BLTP3B: variants seen among roughly 807,000 people sequenced by gnomAD.
The protein encoded by BLTP3B is bridge-like lipid transfer protein family member 3B, also known as UHRF1 (ICBP90) binding protein 1-like.
chr12:100,101,566 T>C, the BLTP3B span, among the ~76,000 whole-genome samples: 5 of 152,324 alleles, frequency 3.3e-5, no homozygotes, highest in East Asian at 1.9e-4. Context: ...AATCCTGTTG[T>C]AGAAAAATCA....
At chr12:100,137,556 T>C in the BLTP3B span, among the ~76,000 whole-genome samples, 1 of 152,156 alleles carries the variant, frequency 6.6e-6, no homozygotes, top group African/African-American at 2.4e-5. Flanking sequence ...TGGGCTCAAG[T>C]GATCTGCCTG....
chr12:100,109,166 CT>C, the BLTP3B span, among the ~76,000 whole-genome samples: 60 of 45,798 alleles, frequency 1.3e-3, no homozygotes, highest in African/African-American at 5.8e-3. Context: ...TTTCCTCTCT[CT>C]CTCTCTCTCT....
At chr12:100,139,705 A>T in the BLTP3B span, among the ~76,000 whole-genome samples, 7 of 152,252 alleles carry the variant, frequency 4.6e-5, no homozygotes, top group Non-Finnish European at 8.8e-5. Context: ...TTATGTATCC[A>T]CATTCATGCA....
chr12:100,072,753 AT>A, the BLTP3B span: 2 of 1,607,548 alleles, frequency 1.2e-6, no homozygotes, highest in South Asian at 1.1e-5. Context: ...AGATATAGGG[AT>A]TTTTTATTGC....
At chr12:100,082,227 C>T in the BLTP3B span, among the ~76,000 whole-genome samples, 3 of 152,320 alleles carry the variant, frequency 2.0e-5, no homozygotes, top group African/African-American at 7.2e-5. Context: ...AGTGTGTGTT[C>T]ATGTCCTTTG....
chr12:100,080,601 T>C, the BLTP3B span, among the ~76,000 whole-genome samples: 1 of 152,248 alleles, frequency 6.6e-6, no homozygotes, highest in South Asian at 2.1e-4. Flanking sequence ...CCATTTGGAA[T>C]AGCTGTATTT....
chr12:100,080,034 T>C, the BLTP3B span, among the ~76,000 whole-genome samples: 1 of 152,208 alleles, frequency 6.6e-6, no homozygotes, highest in African/African-American at 2.4e-5. Flanking sequence ...TGTATGGAAA[T>C]GCCTGGATGC....
At chr12:100,138,087 T>C in the BLTP3B span, among the ~76,000 whole-genome samples, 1 of 152,208 alleles carries the variant, frequency 6.6e-6, no homozygotes, top group Non-Finnish European at 1.5e-5. Context: ...CATTTGGCAA[T>C]GTCTGGAGAC....
chr12:100,102,042 C>T, the BLTP3B span, among the ~76,000 whole-genome samples: 6 of 152,080 alleles, frequency 3.9e-5, no homozygotes, highest in East Asian at 1.9e-4. Flanking sequence ...TCAGGTGATC[C>T]GCCCACCTCA....
At chr12:100,063,107 G>T in the BLTP3B span, among the ~76,000 whole-genome samples, 4 of 152,174 alleles carry the variant, frequency 2.6e-5, no homozygotes, top group African/African-American at 9.7e-5. Flanking sequence ...TCGGATGGAC[G>T]TAGCAGTGTG....
At chr12:100,046,161 A>C in the BLTP3B span, among the ~76,000 whole-genome samples, 1 of 152,212 alleles carries the variant, frequency 6.6e-6, no homozygotes, top group Non-Finnish European at 1.5e-5. Flanking sequence ...TGTGGAAGAC[A>C]GTGTGGCGAT....
chr12:100,038,774 C>T, the BLTP3B span, among the ~76,000 whole-genome samples: 2 of 152,140 alleles, frequency 1.3e-5, no homozygotes, highest in East Asian at 3.8e-4. Context: ...CAAATATAGC[C>T]ATTCCTAAGT....
the BLTP3B span, chr12:100,048,273 A>C: frequency 7.0e-7 from 1 of 1,433,862 alleles, no homozygotes; most frequent in Non-Finnish European, 9.3e-7. Context: ...TAGTACATTA[A>C]AATAATACTA....
the BLTP3B span, among the ~76,000 whole-genome samples, chr12:100,073,073 T>G: frequency 5.3e-5 from 8 of 152,308 alleles, no homozygotes; most frequent in South Asian, 1.4e-3. Context: ...AACTTATTAT[T>G]GTGAGCCTTA....
the BLTP3B span, among the ~76,000 whole-genome samples, chr12:100,080,532 T>C: frequency 2.0e-5 from 3 of 152,196 alleles, no homozygotes; most frequent in Admixed American, 2.0e-4. Flanking sequence ...GATTTGACTG[T>C]CCTGCTGGAT....
chr12:100,069,324 C>T, the BLTP3B span, among the ~76,000 whole-genome samples: 1 of 152,082 alleles, frequency 6.6e-6, no homozygotes, highest in Non-Finnish European at 1.5e-5. Flanking sequence ...CTTGCACACA[C>T]GTTTATAGCA....
the BLTP3B span, among the ~76,000 whole-genome samples, chr12:100,122,288 G>C: frequency 1.3e-5 from 2 of 152,032 alleles, no homozygotes; most frequent in Non-Finnish European, 2.9e-5. Flanking sequence ...ATACTACAAA[G>C]AATATCAAAT....
At chr12:100,069,212 A>C in the BLTP3B span, among the ~76,000 whole-genome samples, 2 of 152,198 alleles carry the variant, frequency 1.3e-5, no homozygotes, top group African/African-American at 4.8e-5. Context: ...ACTCCATCTC[A>C]AAAAACAAAA....
the BLTP3B span, among the ~76,000 whole-genome samples, chr12:100,131,369 T>TA: frequency 1.4e-4 from 21 of 151,406 alleles, no homozygotes; most frequent in African/African-American, 5.1e-4. Context: ...TTAATTTATT[T>TA]AAAAAATTTT....
Sources: allele counts gnomAD v4.1 joint callset (sites outside exome capture counted in the v4.1 genomes callset), GRCh38; gene constraint gnomAD v4.1.1; transcripts MANE v1.5; gene names NCBI Gene and HGNC (gene_info 2026-07-23, HGNC 2026-07-21).